ABCB1: variants seen among roughly 807,000 people sequenced by gnomAD.
ABCB1 encodes the protein ATP-dependent translocase ABCB1.
Under a neutral mutation model 142.0 loss-of-function variants are expected in ABCB1, and 69 were observed. That is an observed-to-expected ratio of 0.49 (90% CI 0.40 to 0.59). The LOEUF is 0.59. Among genes scored for constraint, ABCB1 ranks in the 20% least tolerant of loss-of-function variants. The pLI, the probability that ABCB1 is intolerant of heterozygous loss-of-function variation, is 0.00. For missense variants in ABCB1, 1,326 were observed against 1,554.7 expected, an observed-to-expected ratio of 0.85 and a Z score of 2.47; for synonymous variants, 532 against 539.2, an observed-to-expected ratio of 0.99 and a Z score of 0.18.
intron 25 of ABCB1, among the ~76,000 whole-genome samples, chr7:87,514,843 T>C (rs1815160363): frequency 6.6e-6 from 1 of 152,238 alleles, no homozygotes; most frequent in South Asian, 2.1e-4. Context: ...AATCTCTCTA[T>C]ACCATCTGTC....
Position 87,504,465 on chromosome 7 carries a change from A to G in ABCB1, c.3637-16T>C. ...CTTGGACAACCTATTCCATAATCAC[A>G]TAGATTAATTCTCATAATAGTTCTT... On this transcript the variant is annotated splice_polypyrimidine_tract_variant and intron_variant, in intron 27 of 27. Coordinates refer to ENST00000622132, the MANE Select transcript of ABCB1 (RefSeq NM_001348946.2). 1.2e-6 allele frequency: 2 copies of G among 1,613,882 alleles called. No individual in the cohort carries two copies. The highest frequency in any genetic ancestry group is 1.7e-6 in the Non-Finnish European group (2 of 1,179,860).
At chr7:87,636,368 A>AT (rs1821774855) in intron 1 of ABCB1, among the ~76,000 whole-genome samples, 1 of 152,036 alleles carries the variant, frequency 6.6e-6, no homozygotes, top group Non-Finnish European at 1.5e-5. Flanking sequence ...CCATTTGGAG[A>AT]TTTTCTTTCA....
Position 87,503,782 on chromosome 7 carries a change from C to A in ABCB1, c.*461G>T, listed in dbSNP as rs200818262. 1.0e-5 allele frequency: 2 copies of A among 198,572 alleles called. No individual in the cohort carries two copies. Among genetic ancestry groups the A allele is most frequent in the East Asian group, 1.3e-4 (1 of 7,614 alleles). The allele number at this position is 198,572 out of a possible 1,614,324, so 12.3% of individuals were successfully genotyped here. A position where few individuals can be genotyped will look rare whatever the true frequency, so the allele number is the denominator to read the frequency against. On this transcript the variant is annotated 3_prime_UTR_variant, in exon 28 of 28. Coordinates refer to ENST00000622132, the MANE Select transcript of ABCB1 (RefSeq NM_001348946.2). ...AATGAGTAGGTATATTTAAAGAAAA[C>A]TTTTTTAAAGCAGAAGTTATCTACA...
intron 3 of ABCB1, among the ~76,000 whole-genome samples, chr7:87,587,642 C>T (rs889120488): frequency 5.3e-5 from 8 of 151,934 alleles, no homozygotes; most frequent in African/African-American, 9.7e-5. Flanking sequence ...GAGGCCAAGG[C>T]GGGCAGATCA....
chr7:87,519,249 G>A, intron 23 of ABCB1, 77 bp downstream of exon 23: 5 of 1,421,798 alleles, frequency 3.5e-6, no homozygotes, highest in Non-Finnish European at 5.0e-6. Flanking sequence ...TCACAGTAGG[G>A]TTTCCTATCT....
intron 1 of ABCB1, among the ~76,000 whole-genome samples, chr7:87,634,930 G>A (rs768856128): frequency 1.1e-4 from 17 of 152,178 alleles, no homozygotes; most frequent in Middle Eastern, 6.8e-3. Context: ...TCTTTTCAAC[G>A]ACTAGTCCTA....
intron 1 of ABCB1, among the ~76,000 whole-genome samples, chr7:87,658,163 A>G (rs1022507437): frequency 1.3e-5 from 2 of 152,304 alleles, no homozygotes; most frequent in African/African-American, 4.8e-5. Flanking sequence ...CATGTGAGAA[A>G]CAAATGAAAA....
At chr7:87,564,396 A>G (rs1817702648) in intron 7 of ABCB1, among the ~76,000 whole-genome samples, 1 of 152,112 alleles carries the variant, frequency 6.6e-6, no homozygotes, top group Non-Finnish European at 1.5e-5. Context: ...GTGGTTTTTC[A>G]AGATCAGACT....
At chr7:87,581,498 AG>A (rs952541016) in intron 4 of ABCB1, among the ~76,000 whole-genome samples, 2 of 152,190 alleles carry the variant, frequency 1.3e-5, no homozygotes, top group African/African-American at 4.8e-5. Flanking sequence ...ACAGAATCAG[AG>A]AGTTCCCTAG....
intron 21 of ABCB1, chr7:87,521,922 C>T (rs546031887): frequency 4.4e-5 from 34 of 778,288 alleles, no homozygotes; most frequent in South Asian, 1.9e-4. Context: ...TAACTTTTGA[C>T]GACCATGACT....
chr7:87,666,819 G>T (rs1239748382), intron 1 of ABCB1, among the ~76,000 whole-genome samples: 1 of 151,828 alleles, frequency 6.6e-6, no homozygotes, highest in Non-Finnish European at 1.5e-5. Context: ...CTTATTTCTG[G>T]GCTCTCTATT....
chr7:87,506,825 A>G (rs1474849891), intron 26 of ABCB1, among the ~76,000 whole-genome samples: 3 of 152,138 alleles, frequency 2.0e-5, no homozygotes, highest in South Asian at 2.1e-4. Context: ...TTTATTTGCT[A>G]TATCTGGCAA....
At chr7:87,553,287 T>C (rs1817159894) in intron 9 of ABCB1, among the ~76,000 whole-genome samples, 1 of 151,084 alleles carries the variant, frequency 6.6e-6, no homozygotes, top group Non-Finnish European at 1.5e-5. Context: ...AAGAAAAAAC[T>C]GGTTGTCGGA....
intron 1 of ABCB1, among the ~76,000 whole-genome samples, chr7:87,663,017 A>G (rs1191938259): frequency 6.6e-6 from 1 of 152,010 alleles, no homozygotes; most frequent in Non-Finnish European, 1.5e-5. Context: ...TATAAATAAT[A>G]GTACTTGATT....
At chr7:87,641,930 T>C (rs1026463760) in intron 1 of ABCB1, among the ~76,000 whole-genome samples, 8 of 152,076 alleles carry the variant, frequency 5.3e-5, no homozygotes, top group Non-Finnish European at 1.0e-4. Context: ...TCAGGTCTAA[T>C]CTCAAAATTA....
At chr7:87,534,922 A>AC (rs1816215514) in intron 20 of ABCB1, among the ~76,000 whole-genome samples, 5 of 140,256 alleles carry the variant, frequency 3.6e-5, no homozygotes, top group African/African-American at 1.3e-4. Flanking sequence ...CTCTTTAAAA[A>AC]AAAAAAAAAA....
chr7:87,518,203 C>T (rs1815335169), intron 23 of ABCB1, among the ~76,000 whole-genome samples: 1 of 152,188 alleles, frequency 6.6e-6, no homozygotes, highest in Non-Finnish European at 1.5e-5. Flanking sequence ...GTTTAACTAG[C>T]ACTAAATAAA....
At chr7:87,523,669 T>C (rs1016842980) in intron 21 of ABCB1, among the ~76,000 whole-genome samples, 1 of 152,174 alleles carries the variant, frequency 6.6e-6, no homozygotes, top group Non-Finnish European at 1.5e-5. Context: ...AAATGTTACT[T>C]CCAACAAGGC....
intron 1 of ABCB1, among the ~76,000 whole-genome samples, chr7:87,612,606 T>C (rs563684874): frequency 6.6e-6 from 1 of 152,296 alleles, no homozygotes; most frequent in Admixed American, 6.5e-5. Context: ...CTCTATTCTG[T>C]TCTATTGGTC....
Sources: gnomAD v4.1 joint callset for allele counts (sites outside exome capture counted in the v4.1 genomes callset) on GRCh38, gnomAD v4.1.1 for gene constraint, MANE v1.5 for transcripts, NCBI Gene and HGNC (gene_info 2026-07-23, HGNC 2026-07-21) for gene names.